Variants in RGS9 observed in about 807,000 individuals in gnomAD.
RGS9 encodes the protein regulator of G protein signaling 9.
In RGS9, 78 loss-of-function variants were observed where a neutral mutation model predicts 102.0. That is an observed-to-expected ratio of 0.76 (90% CI 0.64 to 0.92). The LOEUF is 0.92. RGS9 is among the 40% of genes least tolerant of loss of function. The pLI is 0.00. For missense variants in RGS9, 833 were observed against 866.1 expected (o/e 0.96, Z 0.48); for synonymous variants, 353 against 318.6 (o/e 1.11, Z -1.15).
intron 16 of RGS9, among the ~76,000 whole-genome samples, chr17:65,208,331 A>G (rs1913149524): frequency 6.6e-6 from 1 of 152,206 alleles, no homozygotes; most frequent in Admixed American, 6.5e-5. Context: ...GTTACCTCCA[A>G]ACTGATGTAT....
rs145092245 is a variant in RGS9, at chr17:65,157,118, C to A, written c.155-1177C>A. Among the ~76,000 whole-genome samples the A allele has an allele frequency of 7.8e-5, 11 of 141,206 alleles. No homozygotes were observed. The East Asian group carries it at 2.6e-3, about 33-fold the overall frequency. 92.6% of individuals were successfully genotyped at this position (141,206 alleles called of 152,430 possible). A position where few individuals can be genotyped will look rare whatever the true frequency, so the allele number is the denominator to read the frequency against. On this transcript the variant is annotated intron_variant, in intron 2 of 18. Coordinates refer to ENST00000262406, the MANE Select transcript of RGS9 (RefSeq NM_003835.4). ...GGAGGGAAGTATCATTGGCAATTAT[C>A]CAGACATAAGAACACAGGGAGTGGA...
At chr17:65,143,936 G>GA (rs35132424) in intron 1 of RGS9, among the ~76,000 whole-genome samples, 28,243 of 137,970 alleles carry the variant, frequency 0.2, 2,908 homozygotes, top group Middle Eastern at 0.33. Context: ...ACTCCAGCCT[G>GA]AAAAAAAAAA....
rs1912460248 is a variant in RGS9 at position 65,193,544 on chromosome 17, A to G, written c.748A>G (p.Ile250Val). 6 of 1,601,484 alleles carry G rather than the reference A, an allele frequency of 3.7e-6. No individual in the cohort carries two copies. The highest frequency in any genetic ancestry group is 5.1e-6 in the Non-Finnish European group (6 of 1,168,582). ...AATCATTTTCTGTTTCCTTTTCAGG[A>G]TTGTGAAATACAGTGAGCAGTTCTC... ...TVKSSVSLGG[I>V]VKYSEQFSSN... The change falls in exon 12 of 19, where the codon ATT becomes GTT. Residue 250 changes from isoleucine (I) to valine (V), a missense_variant and splice_region_variant. This residue lies in a region of RGS9 where 328 missense variants were observed against 340.6 expected (regional missense o/e 0.96). Coordinates refer to ENST00000262406, the MANE Select transcript of RGS9 (RefSeq NM_003835.4).
At chr17:65,181,643 C>T (rs1598593292) in intron 9 of RGS9, among the ~76,000 whole-genome samples, 1 of 152,240 alleles carries the variant, frequency 6.6e-6, no homozygotes, top group Non-Finnish European at 1.5e-5. Flanking sequence ...AGGGGCCGCT[C>T]ATGGCAGGAT....
chr17:65,193,106 C>CAA (rs372675773), intron 11 of RGS9, among the ~76,000 whole-genome samples: 2,390 of 131,168 alleles, frequency 0.018, 54 homozygotes, highest in African/African-American at 0.058. Context: ...ACCAAAAATA[C>CAA]AAAAAAAAAA....
chr17:65,178,139 CACAG>C (rs1347232735), intron 9 of RGS9, among the ~76,000 whole-genome samples: 27 of 152,166 alleles, frequency 1.8e-4, no homozygotes, highest in African/African-American at 6.0e-4. Flanking sequence ...CTCAAAGATG[CACAG>C]ACAGACATTC....
chr17:65,174,138 T>G (rs1395189185), intron 8 of RGS9, among the ~76,000 whole-genome samples: 3 of 152,094 alleles, frequency 2.0e-5, no homozygotes, highest in Non-Finnish European at 2.9e-5. Flanking sequence ...GGCCGTCTGG[T>G]CTGGGCAGCT....
intron 9 of RGS9, among the ~76,000 whole-genome samples, chr17:65,184,357 GGTCCCAAATATTGCCT>G (rs1347459935): frequency 1.3e-5 from 2 of 151,994 alleles, no homozygotes; most frequent in African/African-American, 2.4e-5. Flanking sequence ...TTGCATAATA[GGTCCCAAATATTGCCT>G]GTGAATCCTG....
At chr17:65,162,683 A>T (rs1467247003) in intron 6 of RGS9, among the ~76,000 whole-genome samples, 1 of 151,322 alleles carries the variant, frequency 6.6e-6, no homozygotes, top group Non-Finnish European at 1.5e-5. Context: ...GTTAGCCATG[A>T]TGGTCTCGAT....
chr17:65,215,691 G>GCCATTCCC (rs1913501775), intron 17 of RGS9, among the ~76,000 whole-genome samples: 1 of 118,090 alleles, frequency 8.5e-6, no homozygotes, highest in African/African-American at 4.7e-5. Flanking sequence ...CTCCCCAGTA[G>GCCATTCCC]CTGGGATTAC....
chr17:65,141,744 A>G (rs772729631), intron 1 of RGS9, among the ~76,000 whole-genome samples: 1 of 152,214 alleles, frequency 6.6e-6, no homozygotes, highest in African/African-American at 2.4e-5. Context: ...AGGGGGGATC[A>G]GGACAGATTT....
intron 12 of RGS9, among the ~76,000 whole-genome samples, chr17:65,194,799 A>T (rs1912521127): frequency 6.6e-6 from 1 of 152,152 alleles, no homozygotes; most frequent in South Asian, 2.1e-4. Flanking sequence ...GAAAGGAAGG[A>T]GTGCCAGGTA....
At chr17:65,205,272 G>A (rs975155377) in intron 15 of RGS9, among the ~76,000 whole-genome samples, 3 of 152,064 alleles carry the variant, frequency 2.0e-5, no homozygotes, top group African/African-American at 7.3e-5. Flanking sequence ...TCTCATTATG[G>A]CAATGATTTC....
At chr17:65,183,323 T>G (rs1481598388) in intron 9 of RGS9, among the ~76,000 whole-genome samples, 1 of 152,146 alleles carries the variant, frequency 6.6e-6, no homozygotes, top group Non-Finnish European at 1.5e-5. Context: ...AGGTTGTGTC[T>G]TTTTGGCCGG....
At position 65,137,442 on chromosome 17, in the gene RGS9, G is replaced by T. The variant is rs111635220; in HGVS notation, c.-99G>T. 6 of 1,262,962 alleles carry T rather than the reference G, an allele frequency of 4.8e-6. No individual in the cohort carries two copies. The Admixed American group carries it at 5.1e-5, about 11-fold the overall frequency. The allele number at this position is 1,262,962 out of a possible 1,614,324, so 78.2% of individuals were successfully genotyped here. A position where few individuals can be genotyped will look rare whatever the true frequency, so the allele number is the denominator to read the frequency against. On this transcript the variant is annotated 5_prime_UTR_variant, in exon 1 of 19. Coordinates refer to ENST00000262406, the MANE Select transcript of RGS9 (RefSeq NM_003835.4). Reference sequence around the variant, plus strand: ...CCCGCCCAGCCGCCTCCCCGTCGACGCCCAGGGCTGGGGCGAGCCAGGCTG... The same window carrying T: ...CCCGCCCAGCCGCCTCCCCGTCGACTCCCAGGGCTGGGGCGAGCCAGGCTG...
At chr17:65,177,924 G>A (rs1229314539) in intron 9 of RGS9, 121 bp downstream of exon 9, 1 of 817,922 alleles carries the variant, frequency 1.2e-6, no homozygotes, top group Non-Finnish European at 2.1e-6. Flanking sequence ...CTATCAAAGA[G>A]AGGAGGACCG....
intron 18 of RGS9, among the ~76,000 whole-genome samples, chr17:65,226,484 C>T (rs191161454): frequency 1.1e-4 from 17 of 152,256 alleles, no homozygotes; most frequent in African/African-American, 4.1e-4. Flanking sequence ...TGATTTTTCC[C>T]AACAGGCCCT....
At chr17:65,185,353 T>C (rs554889811) in intron 9 of RGS9, 5 of 152,568 alleles carry the variant, frequency 3.3e-5, no homozygotes, top group Admixed American at 3.3e-4. Context: ...AGATCTTGAC[T>C]TGAAGTGAAA....
intron 11 of RGS9, among the ~76,000 whole-genome samples, chr17:65,192,294 G>A (rs1212541771): frequency 6.6e-6 from 1 of 152,142 alleles, no homozygotes; most frequent in Admixed American, 6.5e-5. Context: ...AAGGGGGAAG[G>A]GGAGATAGGG....
Sources: gnomAD v4.1 joint callset for allele counts (sites outside exome capture counted in the v4.1 genomes callset) on GRCh38, gnomAD v4.1.1 for gene constraint, gnomAD v4.1.1 regional missense constraint, MANE v1.5 for transcripts, NCBI Gene and HGNC (gene_info 2026-07-23, HGNC 2026-07-21) for gene names.